The following LPP variants were observed in gnomAD, a reference collection of about 807,000 sequenced individuals.
LPP encodes lipoma-preferred partner.
In LPP, 38 loss-of-function variants were observed where a neutral mutation model predicts 60.4. The ratio of observed to expected loss-of-function variants is 0.63; its 90% CI spans 0.49 to 0.83. The LOEUF (loss-of-function observed/expected upper bound fraction) is 0.83. Among genes scored for constraint, LPP ranks in the 40% least tolerant of loss-of-function variants. LPP has a pLI of 0.00. For missense variants in LPP, 902 were observed against 783.6 expected (o/e 1.15, Z -1.80); for synonymous variants, 328 against 290.8 (o/e 1.13, Z -1.30).
Position 188,884,179 on chromosome 3 carries a change from T to C in LPP, c.*9700T>C, listed in dbSNP as rs139792992. On this transcript the variant is annotated 3_prime_UTR_variant, in exon 12 of 12. Transcript: ENST00000617246. Reference sequence around the variant, plus strand: ...AGGACAGTTATTAGTACCCCTATTCTAGAAGAGAAAGCTGAGGCTCAAGCC... The same window carrying C: ...AGGACAGTTATTAGTACCCCTATTCCAGAAGAGAAAGCTGAGGCTCAAGCC... The C allele has an allele frequency of 1.3e-3, 294 of 227,750 alleles. 6 individuals are homozygous for C. In the East Asian group the frequency reaches 0.019, roughly 14 times the overall value. 14.1% of individuals were successfully genotyped at this position (227,750 alleles called of 1,614,324 possible).
intron 8 of LPP, among the ~76,000 whole-genome samples, chr3:188,739,976 T>A (rs1723844378): frequency 1.3e-5 from 2 of 152,096 alleles, no homozygotes; most frequent in African/African-American, 2.4e-5. Flanking sequence ...GCCATGATTG[T>A]CTTGAGTTTG....
chr3:188,643,717 C>T (rs1298487804), intron 7 of LPP, among the ~76,000 whole-genome samples: 4 of 152,122 alleles, frequency 2.6e-5, no homozygotes, highest in African/African-American at 7.2e-5. Flanking sequence ...TGAGACACCC[C>T]TGAGCCATCA....
intron 3 of LPP, among the ~76,000 whole-genome samples, chr3:188,373,768 A>G (rs1774043565): frequency 6.6e-6 from 1 of 152,054 alleles, no homozygotes; most frequent in African/African-American, 2.4e-5. Flanking sequence ...TGTTTTAGAC[A>G]TGAAGTCCTT....
chr3:188,386,264 GCA>G (rs1277848531), intron 3 of LPP, among the ~76,000 whole-genome samples: 1,582 of 99,324 alleles, frequency 0.016, 29 homozygotes, highest in African/African-American at 0.058. Flanking sequence ...TAGCATGCGC[GCA>G]CACACACACA....
At chr3:188,439,146 A>C (rs1195276367) in intron 4 of LPP, among the ~76,000 whole-genome samples, 2 of 152,208 alleles carry the variant, frequency 1.3e-5, no homozygotes, top group African/African-American at 4.8e-5. Context: ...AGTCTCCCCT[A>C]AAGTTTGGTG....
At chr3:188,563,896 A>G (rs1314935005) in intron 6 of LPP, among the ~76,000 whole-genome samples, 1 of 151,810 alleles carries the variant, frequency 6.6e-6, no homozygotes, top group African/African-American at 2.4e-5. Flanking sequence ...CTTGTGGCCA[A>G]GAGAGTAAAT....
intron 7 of LPP, among the ~76,000 whole-genome samples, chr3:188,697,894 A>G (rs1393876775): frequency 6.8e-6 from 1 of 146,818 alleles, no homozygotes; most frequent in Non-Finnish European, 1.5e-5. Context: ...ATTTTTTGGC[A>G]CTATAATGGC....
chr3:188,340,677 A>G (rs114263647), intron 2 of LPP, among the ~76,000 whole-genome samples: 2,480 of 152,274 alleles, frequency 0.016, 72 homozygotes, highest in African/African-American at 0.056. Context: ...TCTTTCAACT[A>G]AAGCAGTATC....
rs542335565 is a variant in LPP, at chr3:188,574,407, C to T, written c.430-34754C>T. Among the ~76,000 whole-genome samples the T allele has an allele frequency of 7.9e-5, 12 of 152,312 alleles. No homozygotes were observed. The South Asian group carries it at 2.3e-3, about 29-fold the overall frequency. ...ATTTATCTTCATTTTAATTTTATCT[C>T]CCACAAATATAGGCATTAATTTAAA... On this transcript the variant is annotated intron_variant, in intron 6 of 11. Transcript: ENST00000617246.
At chr3:188,864,890 C>A (rs1766207939) in intron 9 of LPP, among the ~76,000 whole-genome samples, 1 of 152,112 alleles carries the variant, frequency 6.6e-6, no homozygotes, top group African/African-American at 2.4e-5. Context: ...GAGACAGGGG[C>A]AAGGGGAGTA....
At chr3:188,407,784 G>GTTTT (rs1397646143) in intron 4 of LPP, among the ~76,000 whole-genome samples, 102 of 114,804 alleles carry the variant, frequency 8.9e-4, no homozygotes, top group Middle Eastern at 5.0e-3. Context: ...TTTTTTGTTT[G>GTTTT]TTTGTTTTTT....
At chr3:188,240,746 G>A (rs570277710) in intron 2 of LPP, among the ~76,000 whole-genome samples, 1 of 152,252 alleles carries the variant, frequency 6.6e-6, no homozygotes, top group African/African-American at 2.4e-5. Flanking sequence ...GTTTTGGTGG[G>A]AGGAGCATGG....
chr3:188,871,424 T>C (rs78818645), intron 10 of LPP, among the ~76,000 whole-genome samples: 8,617 of 152,294 alleles, frequency 0.057, 290 homozygotes, highest in Non-Finnish European at 0.071. Context: ...TCAATTGATC[T>C]GCTGCTTAAT....
chr3:188,680,429 A>G (rs1859227142), intron 7 of LPP, among the ~76,000 whole-genome samples: 1 of 152,236 alleles, frequency 6.6e-6, no homozygotes, highest in Non-Finnish European at 1.5e-5. Context: ...GAAAGAAGAC[A>G]TCTTTATTTC....
At chr3:188,651,760 C>T (rs1852134667) in intron 7 of LPP, among the ~76,000 whole-genome samples, 1 of 152,092 alleles carries the variant, frequency 6.6e-6, no homozygotes, top group African/African-American at 2.4e-5. Flanking sequence ...AAGGCCTGCC[C>T]CCATGATTCA....
At chr3:188,252,573 A>G (rs1230985782) in intron 2 of LPP, among the ~76,000 whole-genome samples, 1 of 152,118 alleles carries the variant, frequency 6.6e-6, no homozygotes, top group Non-Finnish European at 1.5e-5. Context: ...TCCCACTAGC[A>G]TTCCCAACTA....
intron 8 of LPP, chr3:188,710,050 A>G (rs999545916): frequency 6.6e-6 from 1 of 152,202 alleles, no homozygotes; most frequent in Non-Finnish European, 1.5e-5. Flanking sequence ...TAGAGAAACG[A>G]CATTTGGGGA....
At chr3:188,278,914 G>A (rs1740964798) in intron 2 of LPP, among the ~76,000 whole-genome samples, 1 of 152,116 alleles carries the variant, frequency 6.6e-6, no homozygotes, top group Non-Finnish European at 1.5e-5. Context: ...TCCATGCTTA[G>A]CATTTTTGTA....
At chr3:188,563,650 A>G (rs887731421) in intron 6 of LPP, among the ~76,000 whole-genome samples, 2 of 151,546 alleles carry the variant, frequency 1.3e-5, no homozygotes, top group African/African-American at 4.8e-5. Flanking sequence ...ATTACAAACA[A>G]TGTTAAGATG....
Sources: gnomAD v4.1 joint callset for allele counts (sites outside exome capture counted in the v4.1 genomes callset) on GRCh38, gnomAD v4.1.1 for gene constraint, MANE v1.5 for transcripts, NCBI Gene and HGNC (gene_info 2026-07-23, HGNC 2026-07-21) for gene names.